The following INTS4 variants were observed in gnomAD, a reference collection of about 807,000 sequenced individuals.
INTS4 encodes the protein MSTP093.
INTS4 carries 70 observed loss-of-function variants against 119.5 expected under a neutral mutation model. That is an observed-to-expected ratio of 0.59 (90% CI 0.48 to 0.71). The LOEUF is 0.71. Ranked by LOEUF, INTS4 falls within the 30% of genes least tolerant of loss-of-function variation. The probability of loss-of-function intolerance (pLI) is 0.00; values close to 1 mark genes in which losing one functional copy is unlikely to be tolerated. For synonymous variants in INTS4, 316 were observed against 419.6 expected (o/e 0.75, Z 3.02); for missense variants, 867 against 1,173.2 (o/e 0.74, Z 3.81).
Position 77,910,385 on chromosome 11 carries a change from T to A in INTS4, c.1923-2575A>T, listed in dbSNP as rs182997554. Among the ~76,000 whole-genome samples the A allele has an allele frequency of 8.3e-3, 1,214 of 145,900 alleles. 18 individuals are homozygous for A. Among genetic ancestry groups the A allele is most frequent in the African/African-American group, 0.028 (1,109 of 39,310 alleles). ...GCCTGTTCTCACTCATAGGTGGGAA[T>A]TGAACAATGAGAACACATGGACACA... On this transcript the variant is annotated intron_variant, in intron 15 of 22. Transcript: ENST00000534064.
intron 8 of INTS4, among the ~76,000 whole-genome samples, chr11:77,941,466 T>TA (rs1953928191): frequency 6.6e-6 from 1 of 150,832 alleles, no homozygotes; most frequent in African/African-American, 2.4e-5. Context: ...TGCTTTTTTT[T>TA]TTTTTTTCTT....
rs1182583485 is a variant in INTS4, at chr11:77,878,738, T to C, written c.*211A>G. The C allele has an allele frequency of 2.9e-6, 2 of 695,792 alleles. No homozygotes were observed. Among genetic ancestry groups the C allele is most frequent in the South Asian group, 1.5e-5 (1 of 65,716 alleles). The allele number at this position is 695,792 out of a possible 1,614,324, so 43.1% of individuals were successfully genotyped here. Reference sequence around the variant, plus strand: ...GAACAGCTTGGTGTTTTCTCAACTTTATTGTGGACAGGAGAAGGGTAAGTA... The same window carrying C: ...GAACAGCTTGGTGTTTTCTCAACTTCATTGTGGACAGGAGAAGGGTAAGTA... On this transcript the variant is annotated 3_prime_UTR_variant, in exon 23 of 23. Transcript: ENST00000534064.
At position 77,991,215 on chromosome 11, in the gene INTS4, T is replaced by C. The variant is rs757775650; in HGVS notation, c.139A>G (p.Thr47Ala). The change falls in exon 2 of 23, where the codon ACC (threonine) becomes GCC (alanine). Residue 47 changes from threonine (T) to alanine (A), a missense_variant. By Grantham distance (58) the Thr-to-Ala change is moderately conservative. This residue lies in a region of INTS4 where 224 missense variants were observed against 231.8 expected (regional missense o/e 0.97). Transcript: ENST00000534064. ...AALHIDLCKA[T>A]SPADALQYLL... Reference sequence around the variant, plus strand: ...TATTGCAAAGCATCTGCTGGGGAGGTAGCTTTACACAGATCTATGTGGAGT... The same window carrying C: ...TATTGCAAAGCATCTGCTGGGGAGGCAGCTTTACACAGATCTATGTGGAGT... 6.2e-7 allele frequency: 1 copy of C among 1,614,066 alleles called. No homozygotes were observed. The highest frequency in any genetic ancestry group is 1.6e-4 in the Middle Eastern group (1 of 6,062).
intron 15 of INTS4, among the ~76,000 whole-genome samples, chr11:77,908,421 T>C (rs1953014365): frequency 6.6e-6 from 1 of 151,578 alleles, no homozygotes; most frequent in Non-Finnish European, 1.5e-5. Context: ...CTCTGTCTCC[T>C]GGGTTCAAGC....
At chr11:77,933,820 G>A (rs1221066538) in intron 10 of INTS4, among the ~76,000 whole-genome samples, 1 of 150,662 alleles carries the variant, frequency 6.6e-6, no homozygotes, top group Non-Finnish European at 1.5e-5. Flanking sequence ...GAGGTGGGGG[G>A]CGCCTCTGCC....
intron 10 of INTS4, among the ~76,000 whole-genome samples, chr11:77,934,141 T>C (rs584812): frequency 0.097 from 14,690 of 151,696 alleles, 987 homozygotes; most frequent in Non-Finnish European, 0.15. Flanking sequence ...CAGGGTTAAA[T>C]GGATTAAGGG....
intron 8 of INTS4, among the ~76,000 whole-genome samples, chr11:77,955,363 T>C (rs1428545342): frequency 6.6e-6 from 1 of 152,150 alleles, no homozygotes; most frequent in African/African-American, 2.4e-5. Context: ...AAATAAATTC[T>C]GGGGTTTTAA....
intron 6 of INTS4, among the ~76,000 whole-genome samples, chr11:77,959,432 T>G (rs1565273360): frequency 6.6e-6 from 1 of 152,090 alleles, no homozygotes; most frequent in Non-Finnish European, 1.5e-5. Flanking sequence ...CTACCTTATA[T>G]CTTAAATTCT....
chr11:77,992,764 G>A (rs148487873), intron 1 of INTS4, among the ~76,000 whole-genome samples: 5 of 152,000 alleles, frequency 3.3e-5, no homozygotes, highest in African/African-American at 1.2e-4. Flanking sequence ...TCTATAGGAG[G>A]GCATACCAAT....
At chr11:77,941,070 TATC>T (rs1264178891) in intron 9 of INTS4, 107 bp downstream of exon 9, 6 of 1,428,912 alleles carry the variant, frequency 4.2e-6, no homozygotes, top group Non-Finnish European at 5.6e-6. Context: ...GTAATACAGT[TATC>T]ATGTTAATTT....
chr11:77,911,345 G>A (rs950725350), intron 15 of INTS4, among the ~76,000 whole-genome samples: 9 of 152,314 alleles, frequency 5.9e-5, no homozygotes, highest in Admixed American at 1.3e-4. Flanking sequence ...TTGGTGGCCA[G>A]ATGGTCTCTT....
rs909933675 is a variant in INTS4 at position 77,965,976 on chromosome 11, AAC to A, written c.472-4840_472-4839del. Among the ~76,000 whole-genome samples the A allele has an allele frequency of 1.8e-4, 27 of 152,182 alleles. 1 individual carries two copies. The highest frequency in any genetic ancestry group is 8.8e-5 in the Non-Finnish European group (6 of 68,028). On this transcript the variant is annotated intron_variant, in intron 4 of 22. Coordinates refer to ENST00000534064, the MANE Select transcript of INTS4 (RefSeq NM_033547.4). ...GAGGGTTTCCTTGTCTCCCCATACC[AAC>A]ACTTGTTATTGTTCATCTTTTTTAT... is the stretch of plus-strand genomic sequence containing the variant.
chr11:77,916,333 A>G (rs1953203741), intron 15 of INTS4, among the ~76,000 whole-genome samples: 1 of 152,214 alleles, frequency 6.6e-6, no homozygotes, highest in Non-Finnish European at 1.5e-5. Context: ...GCTATATGGT[A>G]TAGTCTGTTG....
At chr11:77,983,674 A>G (rs1856332166) in intron 2 of INTS4, among the ~76,000 whole-genome samples, 1 of 152,188 alleles carries the variant, frequency 6.6e-6, no homozygotes, top group South Asian at 2.1e-4. Flanking sequence ...CAAAAAACAG[A>G]AAACAAGTGT....
intron 11 of INTS4, 35 bp downstream of exon 11, chr11:77,928,307 G>A (rs1353584500): frequency 6.2e-7 from 1 of 1,607,128 alleles, no homozygotes; most frequent in South Asian, 1.1e-5. Context: ...GGGGGTGAGG[G>A]ATGAAGAAAT....
intron 5 of INTS4, 51 bp downstream of exon 5, chr11:77,960,902 A>T: frequency 6.5e-7 from 1 of 1,536,230 alleles, no homozygotes; most frequent in Non-Finnish European, 8.8e-7. Context: ...CTATAAACTT[A>T]AAAAACAAAA....
At chr11:77,957,665 T>TC (rs1453058427) in intron 7 of INTS4, among the ~76,000 whole-genome samples, 2 of 138,168 alleles carry the variant, frequency 1.4e-5, no homozygotes, top group Non-Finnish European at 3.1e-5. Flanking sequence ...CTGAACTTCT[T>TC]TTTTTTTTTT....
At chr11:77,966,018 T>C (rs1591119915) in intron 4 of INTS4, among the ~76,000 whole-genome samples, 1 of 152,208 alleles carries the variant, frequency 6.6e-6, no homozygotes, top group Non-Finnish European at 1.5e-5. Context: ...ACCATTCTAA[T>C]AGATGTGAGG....
rs778736898 is a variant in INTS4, at chr11:77,955,925, T to C, written c.918+17A>G. On this transcript the variant is annotated intron_variant, in intron 8 of 22. Coordinates refer to ENST00000534064, the MANE Select transcript of INTS4 (RefSeq NM_033547.4). ...ATATATACATGCATACATACATACA[T>C]AAAAAGTATAACTTACCAACAGTTT... The C allele has an allele frequency of 2.5e-6, 4 of 1,587,960 alleles. No individual in the cohort carries two copies. In the South Asian group the frequency reaches 3.4e-5, roughly 13 times the overall value.
Sources: gnomAD v4.1 joint callset for allele counts (sites outside exome capture counted in the v4.1 genomes callset) on GRCh38, gnomAD v4.1.1 for gene constraint, gnomAD v4.1.1 regional missense constraint, MANE v1.5 for transcripts, NCBI Gene and HGNC (gene_info 2026-07-23, HGNC 2026-07-21) for gene names.